VPS13B: variants seen among roughly 807,000 people sequenced by gnomAD.
VPS13B encodes the protein vacuolar protein sorting 13 homolog B.
Under a neutral mutation model 426.4 loss-of-function variants are expected in VPS13B, and 285 were observed. That is an observed-to-expected ratio of 0.67 (90% CI 0.61 to 0.74). The LOEUF (loss-of-function observed/expected upper bound fraction) is 0.74. Among genes scored for constraint, VPS13B ranks in the 30% least tolerant of loss-of-function variants. The pLI is 0.00. For synonymous variants in VPS13B, 1,676 were observed against 1,676.4 expected (o/e 1.00, Z 0.01); for missense variants, 4,537 against 4,782.6 (o/e 0.95, Z 1.51).
intron 39 of VPS13B, among the ~76,000 whole-genome samples, chr8:99,734,654 A>G (rs1336625192): frequency 6.6e-6 from 1 of 152,210 alleles, no homozygotes; most frequent in Non-Finnish European, 1.5e-5. Context: ...TATTGAGCTG[A>G]GCAATGACCA....
rs150450193 is a variant in VPS13B at position 99,678,459 on chromosome 8, C to T, written c.6046+16968C>T. 9.9e-5 allele frequency among the ~76,000 whole-genome samples: 15 copies of T among 152,230 alleles called. No individual in the cohort carries two copies. In the East Asian group the frequency reaches 2.3e-3, roughly 23 times the overall value. On this transcript the variant is annotated intron_variant, in intron 35 of 61. Transcript: ENST00000357162. The stretch of plus-strand genomic sequence containing the variant: ...GCCAAATTTATTTGAATCTTAACTA[C>T]CCCCTTCCTCAGTTGATCCAGTCAA...
At chr8:99,307,671 C>A (rs1444096199) in intron 19 of VPS13B, among the ~76,000 whole-genome samples, 1 of 152,116 alleles carries the variant, frequency 6.6e-6, no homozygotes, top group African/African-American at 2.4e-5. Flanking sequence ...TTGATTATTA[C>A]AAGCAACCGA....
intron 19 of VPS13B, among the ~76,000 whole-genome samples, chr8:99,349,295 T>A (rs1366877998): frequency 9.1e-6 from 1 of 110,246 alleles, no homozygotes; most frequent in African/African-American, 3.7e-5. Flanking sequence ...ATTGCGCCAC[T>A]GCACTCCAGC....
At chr8:99,764,206 AGAG>A (rs1346417484) in intron 39 of VPS13B, among the ~76,000 whole-genome samples, 1 of 152,182 alleles carries the variant, frequency 6.6e-6, no homozygotes, top group African/African-American at 2.4e-5. Context: ...GTCCTGTGTT[AGAG>A]TAGTGTACTA....
chr8:99,174,373 G>A (rs924873641), intron 16 of VPS13B, among the ~76,000 whole-genome samples: 5 of 152,082 alleles, frequency 3.3e-5, no homozygotes, highest in Admixed American at 3.3e-4. Context: ...TGGTAATTCT[G>A]TTTTTGAGAG....
chr8:99,829,599 A>G (rs1814928590), intron 51 of VPS13B, among the ~76,000 whole-genome samples: 1 of 152,126 alleles, frequency 6.6e-6, no homozygotes, highest in African/African-American at 2.4e-5. Flanking sequence ...ACTTCTGTCA[A>G]TTTGTCAAAT....
At chr8:99,450,615 A>T (rs1818144368) in intron 23 of VPS13B, among the ~76,000 whole-genome samples, 1 of 152,198 alleles carries the variant, frequency 6.6e-6, no homozygotes, top group African/African-American at 2.4e-5. Context: ...CAGGAGGCTG[A>T]TGCAGGAGAA....
intron 19 of VPS13B, among the ~76,000 whole-genome samples, chr8:99,323,121 AG>A (rs1263562705): frequency 6.6e-6 from 1 of 152,224 alleles, no homozygotes; most frequent in Non-Finnish European, 1.5e-5. Context: ...CTTTTGAGCA[AG>A]GGAGGAAGTA....
chr8:99,724,091 G>A (rs576818624), intron 39 of VPS13B, among the ~76,000 whole-genome samples: 6 of 152,232 alleles, frequency 3.9e-5, no homozygotes, highest in African/African-American at 7.2e-5. Context: ...ATATTAGAAC[G>A]ATACAAAATA....
intron 3 of VPS13B, among the ~76,000 whole-genome samples, chr8:99,068,786 G>C (rs1405176262): frequency 6.6e-6 from 1 of 152,036 alleles, no homozygotes; most frequent in Non-Finnish European, 1.5e-5. Flanking sequence ...GAACAGCATG[G>C]GGGAAACCAT....
chr8:99,346,992 A>C (rs1811575868), intron 19 of VPS13B: 1 of 154,002 alleles, frequency 6.5e-6, no homozygotes, highest in Admixed American at 6.5e-5. Context: ...ATTTTTCTCC[A>C]TCTTTATTAT....
At chr8:99,700,134 T>C (rs1403667473) in intron 36 of VPS13B, among the ~76,000 whole-genome samples, 1 of 152,214 alleles carries the variant, frequency 6.6e-6, no homozygotes, top group African/African-American at 2.4e-5. Flanking sequence ...TAAACAGAAA[T>C]GTTCCTGTCC....
chr8:99,156,600 C>T lies in VPS13B; in HGVS notation c.2065C>T (p.Pro689Ser). 6.2e-7 allele frequency: 1 copy of T among 1,614,086 alleles called. No individual in the cohort carries two copies. Among genetic ancestry groups the T allele is most frequent in the East Asian group, 2.2e-5 (1 of 44,872 alleles). The change falls in exon 15 of 62, where the codon CCA (proline) becomes TCA (serine). Residue 689 changes from proline to serine, a missense_variant. Physicochemically the swap from Pro to Ser is moderately conservative, Grantham distance 74 (BLOSUM62 -1). Around this residue, in one of 2 missense-constraint regions of VPS13B, gnomAD observed 4,311 missense variants for 4,474.3 expected, o/e 0.96. Coordinates refer to ENST00000357162, the MANE Select transcript of VPS13B (RefSeq NM_152564.5). ...AAACTTCCAGTCTCTTCGGCCTTTG[C>T]CATCCATTCGAATATTGGTGGATAA... ...TTNFQSLRPL[P>S]SIRILVDKIN...
rs1813929885 is a variant in VPS13B at position 99,814,849 on chromosome 8, CCTTA to C, written c.8098-2687_8098-2684del. ...ACACATTTATGTTATAAAGAGCAGC[CCTTA>C]CTTTCTTTTTTATGGTTTCTAACTT... On this transcript the variant is annotated intron_variant, in intron 44 of 61. Coordinates refer to ENST00000357162, the MANE Select transcript of VPS13B (RefSeq NM_152564.5). 3.3e-5 allele frequency among the ~76,000 whole-genome samples: 5 copies of C among 151,980 alleles called. No individual in the cohort carries two copies. The South Asian group carries it at 1.0e-3, about 32-fold the overall frequency.
rs763571843 is a variant in VPS13B, at chr8:99,818,737, A to G, written c.8470A>G (p.Met2824Val). The G allele has an allele frequency of 1.2e-6, 2 of 1,613,810 alleles. No individual in the cohort carries two copies. Among genetic ancestry groups the G allele is most frequent in the Non-Finnish European group, 1.7e-6 (2 of 1,179,936 alleles). The part of the protein sequence containing the change: ...RMIVFSPLFI[M>V]RSHLPDPIII... ...GATTGTGTTCAGCCCTCTTTTTATC[A>G]TGAGGAGTCATCTTCCAGACCCCAT... Residue 2824 changes from methionine (M) to valine (V), a missense_variant, in exon 47 of 62, where the codon ATG becomes GTG. By Grantham distance (21) the Met-to-Val change is conservative. Transcript: ENST00000357162.
chr8:99,312,061 T>C (rs1821015209), intron 19 of VPS13B, among the ~76,000 whole-genome samples: 1 of 152,208 alleles, frequency 6.6e-6, no homozygotes, highest in African/African-American at 2.4e-5. Context: ...TGAGCCTATG[T>C]GGGTCTCTGC....
intron 3 of VPS13B, among the ~76,000 whole-genome samples, chr8:99,056,495 G>C (rs2132284063): frequency 6.6e-6 from 1 of 152,280 alleles, no homozygotes. Context: ...TTACTTTTCT[G>C]TCTCCAATTT....
At chr8:99,119,268 T>C (rs1179717677) in intron 7 of VPS13B, 1 of 152,228 alleles carries the variant, frequency 6.6e-6, no homozygotes, top group African/African-American at 2.4e-5. Context: ...ATTGACATAG[T>C]CTCACTCTGT....
rs1351372849 is a variant in VPS13B, at chr8:99,192,928, C to A, written c.2386C>A (p.Leu796Ile). The A allele has an allele frequency of 6.2e-7, 1 of 1,613,580 alleles. No individual in the cohort carries two copies. Reference protein sequence around the residue: ...ITEGIFELPNLTIQATRAQTL... With the variant: ...ITEGIFELPNITIQATRAQTL... ...TGAAGGTATATTTGAACTTCCAAAT[C>A]TCACAATTCAAGCTACAAGAGCACA... The change falls in exon 17 of 62, where the codon CTC (leucine) becomes ATC (isoleucine). Residue 796 changes from leucine to isoleucine, a missense_variant. Transcript: ENST00000357162.
Sources: gnomAD v4.1 joint callset for allele counts (sites outside exome capture counted in the v4.1 genomes callset) on GRCh38, gnomAD v4.1.1 for gene constraint, gnomAD v4.1.1 regional missense constraint, MANE v1.5 for transcripts, NCBI Gene and HGNC (gene_info 2026-07-23, HGNC 2026-07-21) for gene names.